CEP128: variants seen among roughly 807,000 people sequenced by gnomAD.
CEP128 encodes centrosomal protein 128kDa.
CEP128 carries 132 observed loss-of-function variants against 156.7 expected under a neutral mutation model. The observed-to-expected ratio is 0.84, with a 90% CI of 0.73 to 0.97. The LOEUF (loss-of-function observed/expected upper bound fraction) is 0.97. Ranked by LOEUF, CEP128 falls within the 50% of genes least tolerant of loss-of-function variation. The pLI, the probability that CEP128 is intolerant of heterozygous loss-of-function variation, is 0.00. For missense variants in CEP128, 1,252 were observed against 1,281.9 expected, an observed-to-expected ratio of 0.98 and a Z score of 0.36; for synonymous variants, 469 against 448.9, an observed-to-expected ratio of 1.04 and a Z score of -0.57.
intron 19 of CEP128, among the ~76,000 whole-genome samples, chr14:80,609,460 C>T (rs1892910877): frequency 6.6e-6 from 1 of 152,022 alleles, no homozygotes; most frequent in Non-Finnish European, 1.5e-5. Context: ...ATTATGGTTC[C>T]CTCTGGCCCC....
chr14:80,704,764 C>T (rs932825074), intron 19 of CEP128, among the ~76,000 whole-genome samples: 18 of 148,598 alleles, frequency 1.2e-4, no homozygotes, highest in Non-Finnish European at 2.2e-4. Context: ...GCCCTTTCCT[C>T]CTTCCCTTCT....
At chr14:80,743,303 A>G in intron 18 of CEP128, 36 bp from the exon 19 acceptor site, 1 of 1,425,406 alleles carries the variant, frequency 7.0e-7, no homozygotes, top group Non-Finnish European at 9.8e-7. Context: ...GGTTAAAGAA[A>G]CTCAGAAAAG....
intron 19 of CEP128, among the ~76,000 whole-genome samples, chr14:80,740,457 C>CACAA (rs1360148201): frequency 6.6e-6 from 1 of 150,740 alleles, no homozygotes; most frequent in East Asian, 1.9e-4. Context: ...CATACACACA[C>CACAA]ACACACACAC....
At chr14:80,624,202 C>T (rs1300785845) in intron 19 of CEP128, among the ~76,000 whole-genome samples, 1 of 152,132 alleles carries the variant, frequency 6.6e-6, no homozygotes, top group Admixed American at 6.5e-5. Context: ...TGACTTACTT[C>T]ACTTAACATA....
chr14:80,821,820 C>T (rs902020543), intron 13 of CEP128, among the ~76,000 whole-genome samples: 3 of 152,054 alleles, frequency 2.0e-5, no homozygotes, highest in African/African-American at 4.8e-5. Context: ...CATTCTCCCA[C>T]TGCAGATAAA....
intron 19 of CEP128, among the ~76,000 whole-genome samples, chr14:80,713,748 G>A (rs1472528106): frequency 2.0e-5 from 3 of 152,134 alleles, no homozygotes; most frequent in Non-Finnish European, 4.4e-5. Context: ...CTTCCATTCA[G>A]CATTACTTAC....
chr14:80,487,489 T>C (rs1887193522), downstream of CEP128, among the ~76,000 whole-genome samples: 1 of 152,064 alleles, frequency 6.6e-6, no homozygotes, highest in African/African-American at 2.4e-5. Flanking sequence ...TTAACAAGGA[T>C]ACCCAGGAAT....
chr14:80,809,768 TA>T (rs1024952448), intron 13 of CEP128, among the ~76,000 whole-genome samples: 5 of 150,834 alleles, frequency 3.3e-5, no homozygotes, highest in South Asian at 2.1e-4. Flanking sequence ...TTTTCATATA[TA>T]AAAAAAAATT....
At chr14:80,914,478 G>C in intron 3 of CEP128, 70 bp from the exon 4 acceptor site, 1 of 1,107,974 alleles carries the variant, frequency 9.0e-7, no homozygotes, top group Non-Finnish European at 1.4e-6. Flanking sequence ...TTAGTAGTAT[G>C]TCAATCAACT....
At chr14:80,517,771 A>T (rs1888557136) in intron 23 of CEP128, among the ~76,000 whole-genome samples, 1 of 152,150 alleles carries the variant, frequency 6.6e-6, no homozygotes, top group Non-Finnish European at 1.5e-5. Context: ...CTCTACTAGA[A>T]GCTGTGGGTC....
chr14:80,487,456 A>G (rs1887192868), downstream of CEP128, among the ~76,000 whole-genome samples: 1 of 152,200 alleles, frequency 6.6e-6, no homozygotes, highest in Non-Finnish European at 1.5e-5. Context: ...TGTCAACATT[A>G]GACAGATCAA....
intron 12 of CEP128, 28 bp from the exon 13 acceptor site, chr14:80,831,322 G>T (rs774029844): frequency 1.9e-6 from 3 of 1,610,184 alleles, no homozygotes; most frequent in East Asian, 2.2e-5. Context: ...AAGGCTCAAG[G>T]GTTGTTCTTT....
intron 21 of CEP128, among the ~76,000 whole-genome samples, chr14:80,547,336 C>T (rs1221532698): frequency 3.9e-5 from 6 of 152,208 alleles, no homozygotes; most frequent in African/African-American, 1.4e-4. Context: ...TTTTCTTCCT[C>T]TTCACTTTGT....
At chr14:80,819,413 AT>A (rs1477474888) in intron 13 of CEP128, among the ~76,000 whole-genome samples, 1 of 151,674 alleles carries the variant, frequency 6.6e-6, no homozygotes, top group Non-Finnish European at 1.5e-5. Context: ...CGCCCGGCTA[AT>A]TTTTTGTAAT....
intron 13 of CEP128, among the ~76,000 whole-genome samples, chr14:80,796,637 G>A (rs1595413569): frequency 1.3e-5 from 2 of 151,904 alleles, no homozygotes; most frequent in Admixed American, 1.3e-4. Flanking sequence ...CTACCATTTA[G>A]CCTCTTAAAT....
intron 19 of CEP128, among the ~76,000 whole-genome samples, chr14:80,690,503 C>T (rs1390695558): frequency 1.3e-5 from 2 of 151,646 alleles, no homozygotes; most frequent in South Asian, 2.1e-4. Context: ...ATGATAGGTG[C>T]TGGCGTGGAT....
At chr14:80,685,034 G>C (rs1175653838) in intron 19 of CEP128, among the ~76,000 whole-genome samples, 1 of 152,008 alleles carries the variant, frequency 6.6e-6, no homozygotes, top group Non-Finnish European at 1.5e-5. Context: ...TTGAGAACTG[G>C]AACAATACAA....
At chr14:80,622,460 G>T (rs948382887) in intron 19 of CEP128, among the ~76,000 whole-genome samples, 7 of 148,886 alleles carry the variant, frequency 4.7e-5, no homozygotes, top group African/African-American at 7.5e-5. Context: ...TGACAAATGG[G>T]ATCTAATTAA....
downstream of CEP128, among the ~76,000 whole-genome samples, chr14:80,495,952 C>T (rs1594908969): frequency 6.6e-6 from 1 of 152,088 alleles, no homozygotes; most frequent in Admixed American, 6.6e-5. Flanking sequence ...TTATATGGAT[C>T]ACCAGGACTG....
Sources: gnomAD v4.1 joint callset for allele counts (sites outside exome capture counted in the v4.1 genomes callset) on GRCh38, gnomAD v4.1.1 for gene constraint, MANE v1.5 for transcripts, NCBI Gene and HGNC (gene_info 2026-07-23, HGNC 2026-07-21) for gene names.